RALGPS1: variants seen among roughly 807,000 people sequenced by gnomAD.
RALGPS1 encodes the protein ras-specific guanine nucleotide-releasing factor RalGPS1.
In RALGPS1, 19 loss-of-function variants were observed where a neutral mutation model predicts 78.8. That is an observed-to-expected ratio of 0.24 (90% CI 0.17 to 0.35). The LOEUF is 0.35. Among genes scored for constraint, RALGPS1 ranks in the 10% least tolerant of loss-of-function variants. RALGPS1 has a pLI of 1.00. For synonymous variants in RALGPS1, 228 were observed against 256.3 expected, an observed-to-expected ratio of 0.89 and a Z score of 1.06; for missense variants, 454 against 688.3, an observed-to-expected ratio of 0.66 and a Z score of 3.81.
Position 127,111,202 on chromosome 9 carries a change from C to G in RALGPS1, c.610+41846C>G, listed in dbSNP as rs142871042. On this transcript the variant is annotated intron_variant, in intron 8 of 18. Coordinates refer to ENST00000259351, the MANE Select transcript of RALGPS1 (RefSeq NM_014636.3). ...CCTTTATACTTGCTGGTCCCTGCCC[C>G]CTTCTTCGTTGTTTGTTCCCTTACC... is the stretch of plus-strand genomic sequence containing the variant. Among the ~76,000 whole-genome samples the G allele has an allele frequency of 3.4e-3, 516 of 152,302 alleles. 3 individuals carry two copies. The highest frequency in any genetic ancestry group is 4.8e-3 in the Non-Finnish European group (328 of 68,038).
At chr9:127,110,614 A>G (rs74458268) in intron 8 of RALGPS1, among the ~76,000 whole-genome samples, 2,330 of 152,016 alleles carry the variant, frequency 0.015, 62 homozygotes, top group African/African-American at 0.054. Flanking sequence ...AGGTATCTCA[A>G]CTCATCCAGA....
At chr9:127,065,643 C>T (rs1000946147) in intron 7 of RALGPS1, among the ~76,000 whole-genome samples, 2 of 152,066 alleles carry the variant, frequency 1.3e-5, no homozygotes, top group African/African-American at 4.8e-5. Context: ...TGTCTATCCC[C>T]TCCCCTCCAT....
At chr9:127,031,338 G>A (rs1218431331) in intron 4 of RALGPS1, among the ~76,000 whole-genome samples, 1 of 152,232 alleles carries the variant, frequency 6.6e-6, no homozygotes, top group Non-Finnish European at 1.5e-5. Context: ...AAACACAGAA[G>A]AGGAACTGCG....
At chr9:127,176,281 G>A (rs931891285) in intron 11 of RALGPS1, among the ~76,000 whole-genome samples, 9 of 152,156 alleles carry the variant, frequency 5.9e-5, no homozygotes, top group Non-Finnish European at 7.3e-5. Flanking sequence ...CCCAGCAAAG[G>A]TGGCCAGAAG....
At chr9:126,951,403 G>A (rs1022111173) in intron 1 of RALGPS1, among the ~76,000 whole-genome samples, 21 of 151,304 alleles carry the variant, frequency 1.4e-4, no homozygotes, top group Non-Finnish European at 2.5e-4. Context: ...GATGAACATC[G>A]ATGCAAAAAT....
intron 8 of RALGPS1, among the ~76,000 whole-genome samples, chr9:127,085,478 G>A (rs1469157120): frequency 3.3e-5 from 5 of 152,176 alleles, no homozygotes; most frequent in African/African-American, 9.7e-5. Flanking sequence ...CTTGGACAGA[G>A]CCCTCCTGCC....
At chr9:127,095,586 C>A (rs1343120880) in intron 8 of RALGPS1, among the ~76,000 whole-genome samples, 1 of 152,210 alleles carries the variant, frequency 6.6e-6, no homozygotes. Flanking sequence ...CGCTCTGACG[C>A]CCTGCAAGGG....
intron 6 of RALGPS1, among the ~76,000 whole-genome samples, chr9:127,050,893 G>A (rs2048252362): frequency 1.3e-5 from 2 of 152,160 alleles, no homozygotes; most frequent in African/African-American, 2.4e-5. Context: ...TGCCCTTTAC[G>A]AGCCAGGCAC....
At chr9:127,189,853 C>G (rs1304719785) in intron 11 of RALGPS1, among the ~76,000 whole-genome samples, 1 of 152,220 alleles carries the variant, frequency 6.6e-6, no homozygotes, top group East Asian at 1.9e-4. Context: ...ATATGCAGCC[C>G]CCTGGTCCGT....
Position 127,212,489 on chromosome 9 carries a change from T to C in RALGPS1, c.1354-138T>C. On this transcript the variant is annotated intron_variant, in intron 15 of 18. Coordinates refer to ENST00000259351, the MANE Select transcript of RALGPS1 (RefSeq NM_014636.3). The surrounding 1 kb of genome is among the most constrained non-coding windows in gnomAD (Gnocchi z 6.0). ...CTTGGTCCTAGGTGGAAGTTGGCAT[T>C]GCCAGGGGGTGGTGGAGGGCCAGGG... 1 of 674,186 alleles carries C rather than the reference T, an allele frequency of 1.5e-6. No individual in the cohort carries two copies. Among genetic ancestry groups the C allele is most frequent in the South Asian group, 2.0e-5 (1 of 50,914 alleles). 41.8% of individuals were successfully genotyped at this position (674,186 alleles called of 1,614,324 possible). A position where few individuals can be genotyped will look rare whatever the true frequency, so the allele number is the denominator to read the frequency against.
At chr9:127,120,720 C>T (rs752294092) in intron 8 of RALGPS1, among the ~76,000 whole-genome samples, 16 of 151,800 alleles carry the variant, frequency 1.1e-4, no homozygotes, top group African/African-American at 1.5e-4. Flanking sequence ...CCCAGCTACT[C>T]GGGAGGCTGA....
chr9:127,165,873 C>CTCAGA (rs2059267169), intron 8 of RALGPS1, among the ~76,000 whole-genome samples, 196 bp from the exon 9 acceptor site: 1 of 152,172 alleles, frequency 6.6e-6, no homozygotes, highest in African/African-American at 2.4e-5. Flanking sequence ...TTGGTTGTTG[C>CTCAGA]TCAGATGTTT....
chr9:127,203,686 A>G (rs923714761), intron 14 of RALGPS1, among the ~76,000 whole-genome samples: 2 of 152,106 alleles, frequency 1.3e-5, no homozygotes, highest in African/African-American at 4.8e-5. Flanking sequence ...AGAGTCTTAA[A>G]TAAGTCCTGT....
intron 4 of RALGPS1, among the ~76,000 whole-genome samples, chr9:126,982,867 C>G (rs1304590218): frequency 1.4e-5 from 2 of 145,744 alleles, no homozygotes; most frequent in African/African-American, 5.1e-5. Context: ...CCTTCTTCTT[C>G]TTCTTCCTCT....
rs996264799 is a variant in RALGPS1 at position 127,017,939 on chromosome 9, G to A, written c.217-16492G>A. Among the ~76,000 whole-genome samples the A allele has an allele frequency of 2.5e-4, 38 of 152,124 alleles. 1 individual carries two copies. Among genetic ancestry groups the A allele is most frequent in the Admixed American group, 2.1e-3 (32 of 15,260 alleles). Reference sequence around the variant, plus strand: ...CCTATAATAATGCCTTCTTCTGGCCGGGCGCTGTGGCTCACACCTGGAATC... The same window carrying A: ...CCTATAATAATGCCTTCTTCTGGCCAGGCGCTGTGGCTCACACCTGGAATC... On this transcript the variant is annotated intron_variant, in intron 4 of 18. Transcript: ENST00000259351.
chr9:126,991,786 G>C (rs2042305688), intron 4 of RALGPS1, among the ~76,000 whole-genome samples: 1 of 152,182 alleles, frequency 6.6e-6, no homozygotes, highest in Non-Finnish European at 1.5e-5. Context: ...TTGTGGAAGA[G>C]GGGGCCTAGA....
At chr9:126,952,673 G>GTGTGTGTGTC (rs771422718) in intron 1 of RALGPS1, among the ~76,000 whole-genome samples, 28 of 106,904 alleles carry the variant, frequency 2.6e-4, no homozygotes, top group Admixed American at 2.3e-3. Flanking sequence ...GTGTGTGTGT[G>GTGTGTGTGTC]TGTGTGTCTG....
intron 7 of RALGPS1, among the ~76,000 whole-genome samples, chr9:127,066,722 T>G: frequency 6.6e-6 from 1 of 152,212 alleles, no homozygotes; most frequent in Non-Finnish European, 1.5e-5. Context: ...TATTGTTCAT[T>G]GGCAAATTTC....
intron 11 of RALGPS1, among the ~76,000 whole-genome samples, chr9:127,182,055 G>A (rs1215438490): frequency 6.6e-6 from 1 of 151,788 alleles, no homozygotes; most frequent in East Asian, 1.9e-4. Flanking sequence ...CATGTTTAAG[G>A]GGCCAGGCGT....
Sources: allele counts gnomAD v4.1 joint callset (sites outside exome capture counted in the v4.1 genomes callset), GRCh38; gene constraint gnomAD v4.1.1; non-coding constraint Gnocchi (gnomAD v3.1); transcripts MANE v1.5; gene names NCBI Gene and HGNC (gene_info 2026-07-23, HGNC 2026-07-21).